LRGUK: variants seen among roughly 807,000 people sequenced by gnomAD.
LRGUK encodes leucine rich repeats and guanylate kinase domain containing, also known as leucine-rich repeat and guanylate kinase domain-containing protein.
A neutral mutation model predicts 76.0 loss-of-function variants in LRGUK; 65 were observed. The observed-to-expected ratio is 0.85, with a 90% CI of 0.70 to 1.05. The LOEUF is 1.05. Among genes scored for constraint, LRGUK ranks in the 50% least tolerant of loss-of-function variants. The probability of loss-of-function intolerance (pLI) is 0.00; values close to 1 mark genes in which losing one functional copy is unlikely to be tolerated. For missense variants in LRGUK, 758 were observed against 732.8 expected (o/e 1.03, Z -0.40); for synonymous variants, 268 against 265.6 (o/e 1.01, Z -0.09).
intron 19 of LRGUK, among the ~76,000 whole-genome samples, chr7:134,261,903 C>T (rs1802736682): frequency 1.3e-5 from 2 of 152,156 alleles, no homozygotes; most frequent in Non-Finnish European, 1.5e-5. Context: ...ATAAATCTGG[C>T]TGCAGGCCCG....
chr7:134,218,945 A>G (rs529208157), intron 15 of LRGUK, among the ~76,000 whole-genome samples: 2 of 152,334 alleles, frequency 1.3e-5, no homozygotes, highest in African/African-American at 4.8e-5. Context: ...AACTTTAAAA[A>G]TCTGCCTGGG....
At chr7:134,197,144 TTGTG>T (rs2117073875) in intron 13 of LRGUK, 39 bp downstream of exon 13, 1 of 1,241,490 alleles carries the variant, frequency 8.1e-7, no homozygotes, top group Admixed American at 1.8e-5. Context: ...TGTGTGTAGT[TTGTG>T]TGAGTGTGGT....
chr7:134,224,821 G>A (rs1169082536), intron 16 of LRGUK, among the ~76,000 whole-genome samples: 1 of 152,132 alleles, frequency 6.6e-6, no homozygotes, highest in Non-Finnish European at 1.5e-5. Context: ...GGGAGGCTGA[G>A]GTGGGCAGAT....
chr7:134,157,704 T>C (rs1264700909), intron 5 of LRGUK, among the ~76,000 whole-genome samples: 5 of 152,178 alleles, frequency 3.3e-5, no homozygotes. Context: ...TTTGTATTTT[T>C]AGTAGAGACG....
chr7:134,147,722 C>A (rs112069635), intron 4 of LRGUK, among the ~76,000 whole-genome samples: 2,615 of 152,136 alleles, frequency 0.017, 80 homozygotes, highest in African/African-American at 0.055. Context: ...GGGGAAGAGG[C>A]CTTCTTACTA....
chr7:134,256,372 T>G (rs1394232062), intron 18 of LRGUK, among the ~76,000 whole-genome samples: 1 of 148,730 alleles, frequency 6.7e-6, no homozygotes, highest in Non-Finnish European at 1.5e-5. Context: ...GGCAGGAGAA[T>G]GACTTGAACC....
chr7:134,258,990 C>A lies in LRGUK; in HGVS notation c.2347+585C>A, dbSNP rs552329955. Among the ~76,000 whole-genome samples, 153 of 152,262 alleles carry A rather than the reference C, an allele frequency of 1.0e-3. 1 individual carries two copies. The highest frequency in any genetic ancestry group is 3.5e-3 in the African/African-American group (144 of 41,552). On this transcript the variant is annotated intron_variant, in intron 19 of 19. Coordinates refer to the LRGUK transcript ENST00000285928. The stretch of plus-strand genomic sequence containing the variant: ...CCACATTATCTGCAGCGGTCTGGGA[C>A]AACGACCACATGCTCTTTGGAAGAG...
At chr7:134,152,427 A>T (rs1276583495) in intron 5 of LRGUK, among the ~76,000 whole-genome samples, 1 of 152,100 alleles carries the variant, frequency 6.6e-6, no homozygotes, top group Non-Finnish European at 1.5e-5. Context: ...GCAAAATAAA[A>T]GATGAGAAAA....
In LRGUK at chr7:134,258,337, C is replaced by T. The variant is rs201827196; in HGVS notation, c.2279C>T (p.Pro760Leu). The T allele has an allele frequency of 1.2e-4, 193 of 1,613,942 alleles. No individual in the cohort carries two copies. Among genetic ancestry groups the T allele is most frequent in the Non-Finnish European group, 1.6e-4 (185 of 1,179,994 alleles). ...TCAAAAGAATTGCCTTTCCAGCCTCCGGAGGGGAGCATTTCTTCACACCTA... is the reference window on the plus strand; with the variant it reads ...TCAAAAGAATTGCCTTTCCAGCCTCTGGAGGGGAGCATTTCTTCACACCTA... The change falls in exon 19 of 20, where the codon CCG (proline) becomes CTG (leucine). Residue 760 changes from proline to leucine, a missense_variant. Transcript: ENST00000285928.
In LRGUK at chr7:134,237,656, T is replaced by A. The variant is rs995707346; in HGVS notation, c.1984-9900T>A. Among the ~76,000 whole-genome samples the A allele has an allele frequency of 3.3e-5, 5 of 152,142 alleles. No individual in the cohort carries two copies. The East Asian group carries it at 9.7e-4, about 29-fold the overall frequency. On this transcript the variant is annotated intron_variant, in intron 16 of 19. Transcript: ENST00000285928. Reference sequence around the variant, plus strand: ...TTCCCTGTCCCAGACCTGGAATCAGTCTTTTCTTCAAGAAATCTGGGTTTC... The same window carrying A: ...TTCCCTGTCCCAGACCTGGAATCAGACTTTTCTTCAAGAAATCTGGGTTTC...
At chr7:134,264,200 T>G (rs975302111) in exon 20 of LRGUK, 6 of 391,942 alleles carry the variant, frequency 1.5e-5, no homozygotes, top group Non-Finnish European at 2.2e-5. Context: ...TTTAAAGATG[T>G]GAGTTTTTTT....
At chr7:134,128,852 A>C (rs562031542) in intron 1 of LRGUK, among the ~76,000 whole-genome samples, 176 of 151,680 alleles carry the variant, frequency 1.2e-3, no homozygotes, top group African/African-American at 4.1e-3. Flanking sequence ...ACCCGGCCTA[A>C]TTTGCTTCCT....
At chr7:134,163,902 G>T (rs1798864025) in intron 7 of LRGUK, among the ~76,000 whole-genome samples, 1 of 152,158 alleles carries the variant, frequency 6.6e-6, no homozygotes. Flanking sequence ...AATAGCCATT[G>T]GCTGGTGTTG....
At chr7:134,157,261 G>C (rs112639878) in intron 5 of LRGUK, among the ~76,000 whole-genome samples, 3 of 152,170 alleles carry the variant, frequency 2.0e-5, no homozygotes, top group South Asian at 4.1e-4. Context: ...CTCTAACAGG[G>C]TATTGGTCTT....
intron 8 of LRGUK, among the ~76,000 whole-genome samples, chr7:134,175,989 C>T (rs1223047493): frequency 6.6e-6 from 1 of 151,972 alleles, no homozygotes; most frequent in Non-Finnish European, 1.5e-5. Context: ...AGAATTGAGA[C>T]TTGTTGGAGT....
intron 19 of LRGUK, among the ~76,000 whole-genome samples, chr7:134,259,746 C>A (rs7794296): frequency 0.017 from 2,634 of 152,228 alleles, 63 homozygotes; most frequent in African/African-American, 0.058. Flanking sequence ...ATTCCAAATT[C>A]TCTTGGCCTT....
At chr7:134,163,357 G>C (rs1478748059) in intron 6 of LRGUK, 40 bp from the exon 7 acceptor site, 1 of 1,538,190 alleles carries the variant, frequency 6.5e-7, no homozygotes, top group Admixed American at 1.9e-5. Context: ...TTTTCCTTGA[G>C]AGGTCTTTGA....
chr7:134,184,898 A>G (rs2117026806), intron 11 of LRGUK, among the ~76,000 whole-genome samples: 1 of 152,364 alleles, frequency 6.6e-6, no homozygotes, highest in Non-Finnish European at 1.5e-5. Context: ...GCCTTGCAGT[A>G]TGATAGCATG....
rs144698776 is a variant in LRGUK at position 134,217,567 on chromosome 7, C to A, written c.1844-4212C>A. On this transcript the variant is annotated intron_variant, in intron 15 of 19. Transcript: ENST00000285928. ...TATGGAAATTATCATGGATACTATG[C>A]AAAATTATTATTTTTCTAGTTGATA... Among the ~76,000 whole-genome samples the A allele has an allele frequency of 9.7e-3, 1,471 of 152,208 alleles. 23 individuals are homozygous for A. The highest frequency in any genetic ancestry group is 0.028 in the African/African-American group (1,175 of 41,556).
Sources: gnomAD v4.1 joint callset for allele counts (sites outside exome capture counted in the v4.1 genomes callset) on GRCh38, gnomAD v4.1.1 for gene constraint, MANE v1.5 for transcripts, NCBI Gene and HGNC (gene_info 2026-07-23, HGNC 2026-07-21) for gene names.